The following ALDH1L1 variants were observed in gnomAD, a reference collection of about 807,000 sequenced individuals.
The protein encoded by ALDH1L1 is aldehyde dehydrogenase 1 family member L1, also known as cytosolic 10-formyltetrahydrofolate dehydrogenase.
Under a neutral mutation model 101.1 loss-of-function variants are expected in ALDH1L1, and 68 were observed. The observed-to-expected ratio is 0.67, with a 90% CI of 0.55 to 0.82. The LOEUF is 0.82. Among genes scored for constraint, ALDH1L1 ranks in the 40% least tolerant of loss-of-function variants. The pLI, the probability that ALDH1L1 is intolerant of heterozygous loss-of-function variation, is 0.00. For synonymous variants in ALDH1L1, 486 were observed against 470.8 expected (o/e 1.03, Z -0.42); for missense variants, 1,087 against 1,172.7 (o/e 0.93, Z 1.07).
chr3:126,123,144 T>C (rs1476394424), intron 16 of ALDH1L1, among the ~76,000 whole-genome samples: 3 of 152,100 alleles, frequency 2.0e-5, no homozygotes, highest in Non-Finnish European at 2.9e-5. Flanking sequence ...GCCAGTGTAG[T>C]AATACTAAGA....
At position 126,135,629 on chromosome 3, in the gene ALDH1L1, C is replaced by T. The variant is rs2080422128; in HGVS notation, c.1378G>A (p.Asp460Asn). 12 of 1,582,408 alleles carry T rather than the reference C, an allele frequency of 7.6e-6. No individual in the cohort carries two copies. The highest frequency in any genetic ancestry group is 2.3e-5 in the South Asian group (2 of 86,750). ...GCTGCGGCCACTGCCTTGTCGACGT[C>T]GGTGACTTGGGCCAGGGATACCTGG... ...ICQVSLAQVT[D>N]VDKAVAAAKD... The change falls in exon 12 of 23, where the codon GAC becomes AAC. Residue 460 changes from aspartate to asparagine, a missense_variant. Physicochemically the swap from Asp to Asn is conservative, Grantham distance 23. Coordinates refer to ENST00000393434, the MANE Select transcript of ALDH1L1 (RefSeq NM_012190.4).
At chr3:126,174,935 G>C (rs931686739) in intron 1 of ALDH1L1, among the ~76,000 whole-genome samples, 1 of 151,990 alleles carries the variant, frequency 6.6e-6, no homozygotes, top group African/African-American at 2.4e-5. Flanking sequence ...TGTCAATAGA[G>C]AAAATCAACA....
intron 8 of ALDH1L1, among the ~76,000 whole-genome samples, chr3:126,149,060 T>C (rs968453996): frequency 3.9e-5 from 6 of 152,236 alleles, no homozygotes; most frequent in South Asian, 2.1e-4. Flanking sequence ...ACCCTTCCCG[T>C]TGTTCTCAGG....
intron 1 of ALDH1L1, among the ~76,000 whole-genome samples, chr3:126,187,555 C>T (rs1441646661): frequency 6.6e-6 from 1 of 152,138 alleles, no homozygotes; most frequent in African/African-American, 2.4e-5. Context: ...GTATTGAAGG[C>T]ACACCTCAGT....
chr3:126,104,190 A>C, intron 22 of ALDH1L1: 1 of 336,228 alleles, frequency 3.0e-6, no homozygotes, highest in Non-Finnish European at 5.5e-6. Flanking sequence ...CTCTTCTCTC[A>C]TGGCTGCCCC....
chr3:126,184,498 T>A (rs2081500833), upstream of ALDH1L1, among the ~76,000 whole-genome samples: 1 of 152,252 alleles, frequency 6.6e-6, no homozygotes, highest in African/African-American at 2.4e-5. Context: ...CAGGCCCTGA[T>A]CCAGGAGAGG....
intron 22 of ALDH1L1, 144 bp downstream of exon 22, chr3:126,105,582 C>T: frequency 1.1e-6 from 1 of 942,782 alleles, no homozygotes; most frequent in East Asian, 2.5e-5. Context: ...CACAAGTTCC[C>T]TCCCAGTAAG....
chr3:126,172,354 T>C (rs114313770), intron 1 of ALDH1L1, among the ~76,000 whole-genome samples: 1,975 of 151,744 alleles, frequency 0.013, 37 homozygotes, highest in African/African-American at 0.044. Context: ...TAAGAACAAA[T>C]TGGTCATGTA....
At chr3:126,162,813 G>A (rs1038769913) in intron 1 of ALDH1L1, among the ~76,000 whole-genome samples, 5 of 152,052 alleles carry the variant, frequency 3.3e-5, no homozygotes, top group South Asian at 4.1e-4. Flanking sequence ...GATCTTTATT[G>A]TTTTGCCTTT....
chr3:126,183,512 G>C (rs2081492864), upstream of ALDH1L1, among the ~76,000 whole-genome samples: 1 of 152,254 alleles, frequency 6.6e-6, no homozygotes. Context: ...GAACCCAAAG[G>C]GTGGAGCCAA....
intron 1 of ALDH1L1, 124 bp from the exon 2 acceptor site, chr3:126,161,126 T>C (rs530254169): frequency 8.5e-7 from 1 of 1,176,406 alleles, no homozygotes; most frequent in Admixed American, 2.7e-5. Context: ...TGTGGCTCTG[T>C]GGGTGGCAGG....
chr3:126,176,517 G>T (rs992310510), intron 1 of ALDH1L1, among the ~76,000 whole-genome samples: 1 of 152,178 alleles, frequency 6.6e-6, no homozygotes, highest in East Asian at 1.9e-4. Flanking sequence ...GAGCCCAGAA[G>T]TAAACTCACA....
chr3:126,112,951 CCAGCCG>C, intron 18 of ALDH1L1, 71 bp from the exon 19 acceptor site: 1 of 1,412,918 alleles, frequency 7.1e-7, no homozygotes, highest in Non-Finnish European at 9.9e-7. Context: ...CTGCCAGGGC[CCAGCCG>C]CCTCTTCTAA....
chr3:126,118,921 C>T (rs1362804310), intron 16 of ALDH1L1, among the ~76,000 whole-genome samples: 1 of 152,122 alleles, frequency 6.6e-6, no homozygotes, highest in Non-Finnish European at 1.5e-5. Flanking sequence ...CTGGCTAAGT[C>T]CTCTCTGTCC....
chr3:126,136,317 C>T (rs3772413), intron 11 of ALDH1L1, among the ~76,000 whole-genome samples: 25,038 of 152,108 alleles, frequency 0.16, 2,099 homozygotes, highest in East Asian at 0.22. Context: ...GTGTATCTAC[C>T]ATAGGCGTGC....
intron 8 of ALDH1L1, among the ~76,000 whole-genome samples, chr3:126,148,521 A>G (rs2080743052): frequency 6.6e-6 from 1 of 152,140 alleles, no homozygotes; most frequent in Non-Finnish European, 1.5e-5. Flanking sequence ...TCTCCAGACC[A>G]TACATCCTGG....
intron 12 of ALDH1L1, 136 bp from the exon 13 acceptor site, chr3:126,131,670 G>A (rs909136761): frequency 5.8e-5 from 56 of 969,020 alleles, no homozygotes; most frequent in Middle Eastern, 3.4e-4. Flanking sequence ...GCGGACCTCC[G>A]TTTCTGATCC....
chr3:126,162,543 T>G (rs991373213), intron 1 of ALDH1L1, among the ~76,000 whole-genome samples: 1 of 152,212 alleles, frequency 6.6e-6, no homozygotes, highest in African/African-American at 2.4e-5. Flanking sequence ...AAAAGGAGTT[T>G]TTTTGTATTG....
chr3:126,136,643 T>G, intron 11 of ALDH1L1, 121 bp downstream of exon 11: 1 of 1,446,878 alleles, frequency 6.9e-7, no homozygotes, highest in Non-Finnish European at 9.2e-7. Flanking sequence ...CCCGTCCCTC[T>G]CAAAGGCACA....
Sources: gnomAD v4.1 joint callset for allele counts (sites outside exome capture counted in the v4.1 genomes callset) on GRCh38, gnomAD v4.1.1 for gene constraint, MANE v1.5 for transcripts, NCBI Gene and HGNC (gene_info 2026-07-23, HGNC 2026-07-21) for gene names.